The following CSNK2A2 variants were observed in gnomAD, a reference collection of about 807,000 sequenced individuals.
CSNK2A2 encodes the protein casein kinase II subunit alpha'.
A neutral mutation model predicts 54.0 loss-of-function variants in CSNK2A2; 8 were observed. The observed-to-expected ratio is 0.15, with a 90% confidence interval of 0.09 to 0.27. The LOEUF is 0.27. Ranked by LOEUF, CSNK2A2 falls within the 10% of genes least tolerant of loss-of-function variation. The probability of loss-of-function intolerance (pLI) is 1.00; values close to 1 mark genes in which losing one functional copy is unlikely to be tolerated. For synonymous variants in CSNK2A2, 141 were observed against 153.9 expected (o/e 0.92, Z 0.62); for missense variants, 242 against 439.4 (o/e 0.55, Z 4.02).
intron 3 of CSNK2A2, among the ~76,000 whole-genome samples, chr16:58,186,473 T>G (rs1485562076): frequency 6.6e-6 from 1 of 152,214 alleles, no homozygotes; most frequent in Admixed American, 6.5e-5. Context: ...AGGCTGGGGC[T>G]TAAAGGAGAC....
rs566369551 is a variant in CSNK2A2, at chr16:58,196,655, T to C, written c.216+78A>G. ...AAATTCAAGCTTGCATTGCCCATTATAGAATGTGACTGGGGTACCTTACAA... is the reference window on the plus strand; with the variant it reads ...AAATTCAAGCTTGCATTGCCCATTACAGAATGTGACTGGGGTACCTTACAA... On this transcript the variant is annotated intron_variant, in intron 2 of 11. Transcript: ENST00000262506. 3.9e-5 allele frequency: 34 copies of C among 864,536 alleles called. No homozygotes were observed. In the African/African-American group the frequency reaches 4.5e-4, roughly 11 times the overall value. 53.6% of individuals were successfully genotyped at this position (864,536 alleles called of 1,614,324 possible).
At chr16:58,185,676 G>A (rs1962172895) in intron 3 of CSNK2A2, among the ~76,000 whole-genome samples, 1 of 152,188 alleles carries the variant, frequency 6.6e-6, no homozygotes, top group African/African-American at 2.4e-5. Flanking sequence ...AAAAGGACAG[G>A]ATATCTTAAA....
intron 5 of CSNK2A2, among the ~76,000 whole-genome samples, chr16:58,171,958 C>CATATATATATATATATACATAT (rs1961748874): frequency 3.8e-4 from 12 of 31,332 alleles, no homozygotes; most frequent in South Asian, 1.4e-3. Flanking sequence ...CTGGAGCATG[C>CATATATATATATATATACATAT]ATATATATAT....
chr16:58,168,470 G>A (rs1045922807), intron 6 of CSNK2A2, 140 bp downstream of exon 6: 8 of 613,822 alleles, frequency 1.3e-5, no homozygotes, highest in African/African-American at 5.5e-5. Context: ...AATCAACAAT[G>A]GAGATGGGAG....
At position 58,166,575 on chromosome 16, in the gene CSNK2A2, C is replaced by A; in HGVS notation, c.827+9G>T. 1 of 1,569,938 alleles carries A rather than the reference C, an allele frequency of 6.4e-7. No homozygotes were observed. Among genetic ancestry groups the A allele is most frequent in the Non-Finnish European group, 8.8e-7 (1 of 1,140,360 alleles). ...AAGGTAAAGCACTCTCTCTCTCTCT[C>A]TTACTTACTGTCCCAGGATATCGTT... On this transcript the variant is annotated intron_variant, in intron 9 of 11. Coordinates refer to ENST00000262506, the MANE Select transcript of CSNK2A2 (RefSeq NM_001896.4).
chr16:58,182,916 T>G (rs1462185646), intron 4 of CSNK2A2, among the ~76,000 whole-genome samples: 1 of 152,214 alleles, frequency 6.6e-6, no homozygotes, highest in Non-Finnish European at 1.5e-5. Context: ...TAATTTCACC[T>G]GTAAGGAGTC....
At chr16:58,163,877 C>T (rs1961480274) in intron 11 of CSNK2A2, 177 bp downstream of exon 11, 1 of 508,598 alleles carries the variant, frequency 2.0e-6, no homozygotes, top group Admixed American at 3.6e-5. Context: ...ACAGTGACAG[C>T]TCCCTGGAGA....
chr16:58,182,835 T>C (rs1382637166), intron 4 of CSNK2A2, among the ~76,000 whole-genome samples: 1 of 152,216 alleles, frequency 6.6e-6, no homozygotes, highest in Non-Finnish European at 1.5e-5. Flanking sequence ...ATCAGCATAG[T>C]ACCCTACCAG....
intron 4 of CSNK2A2, among the ~76,000 whole-genome samples, chr16:58,181,759 A>C (rs1597119527): frequency 6.6e-6 from 1 of 152,200 alleles, no homozygotes; most frequent in Non-Finnish European, 1.5e-5. Flanking sequence ...AAAGAACATT[A>C]AAAATATTTT....
In CSNK2A2 at chr16:58,180,255, A is replaced by G. The variant is rs374279543; in HGVS notation, c.369+4005T>C. Reference sequence around the variant, plus strand: ...CAATAACTGAGCAATAAAACCAAAAAGCTGGTTCTTTTAAAAGATTAACGA... The same window carrying G: ...CAATAACTGAGCAATAAAACCAAAAGGCTGGTTCTTTTAAAAGATTAACGA... On this transcript the variant is annotated intron_variant, in intron 4 of 11. Transcript: ENST00000262506. Among the ~76,000 whole-genome samples, 122 of 152,144 alleles carry G rather than the reference A, an allele frequency of 8.0e-4. 1 individual carries two copies. Among genetic ancestry groups the G allele is most frequent in the African/African-American group, 2.9e-3 (119 of 41,546 alleles).
At chr16:58,165,488 C>T in intron 10 of CSNK2A2, 72 bp downstream of exon 10, 1 of 1,449,676 alleles carries the variant, frequency 6.9e-7, no homozygotes, top group Middle Eastern at 1.8e-4. Context: ...CCTGACTGGT[C>T]TCAAAGACAA....
intron 5 of CSNK2A2, 107 bp from the exon 6 acceptor site, chr16:58,168,800 A>C: frequency 3.7e-6 from 3 of 820,296 alleles, no homozygotes; most frequent in South Asian, 1.7e-5. Context: ...CAGTCCCCCA[A>C]CGGGCAGCTT....
chr16:58,182,554 CAAAAAAAAAAA>C (rs59002536), intron 4 of CSNK2A2, among the ~76,000 whole-genome samples: 1 of 80,662 alleles, frequency 1.2e-5, no homozygotes, highest in African/African-American at 4.3e-5. Context: ...GGCTCCGTCT[CAAAAAAAAAAA>C]AAAAAAAACA....
chr16:58,162,474 C>T (rs1479541765), intron 11 of CSNK2A2: 1 of 152,062 alleles, frequency 6.6e-6, no homozygotes, highest in Non-Finnish European at 1.5e-5. Flanking sequence ...TTTTAAGTTC[C>T]CACAGACCAA....
chr16:58,180,183 A>G (rs1024531730), intron 4 of CSNK2A2, among the ~76,000 whole-genome samples: 1 of 152,084 alleles, frequency 6.6e-6, no homozygotes, highest in African/African-American at 2.4e-5. Flanking sequence ...TTGAAGGAAG[A>G]AAGAAGAAAA....
At chr16:58,196,576 A>T (rs949665558) in intron 2 of CSNK2A2, among the ~76,000 whole-genome samples, 157 bp downstream of exon 2, 2 of 152,312 alleles carry the variant, frequency 1.3e-5, no homozygotes, top group African/African-American at 2.4e-5. Context: ...TATGATCTGC[A>T]CTCCAGCCTG....
intron 5 of CSNK2A2, among the ~76,000 whole-genome samples, chr16:58,169,878 C>T (rs1384366883): frequency 6.6e-6 from 1 of 152,048 alleles, no homozygotes; most frequent in Non-Finnish European, 1.5e-5. Flanking sequence ...AACTCCACCT[C>T]TACTAAAAAT....
chr16:58,162,477 C>T (rs1961412209), intron 11 of CSNK2A2: 1 of 152,148 alleles, frequency 6.6e-6, no homozygotes, highest in Non-Finnish European at 1.5e-5. Flanking sequence ...TAAGTTCCCA[C>T]AGACCAAACG....
At chr16:58,172,752 T>C (rs1378672798) in intron 5 of CSNK2A2, among the ~76,000 whole-genome samples, 1 of 152,220 alleles carries the variant, frequency 6.6e-6, no homozygotes, top group Non-Finnish European at 1.5e-5. Context: ...TCTCGTACAG[T>C]TTCTGACCAT....
Sources: allele counts gnomAD v4.1 joint callset (sites outside exome capture counted in the v4.1 genomes callset), GRCh38; gene constraint gnomAD v4.1.1; transcripts MANE v1.5; gene names NCBI Gene and HGNC (gene_info 2026-07-23, HGNC 2026-07-21).